TAF2: variants seen among roughly 807,000 people sequenced by gnomAD.
The protein encoded by TAF2 is TATA-box binding protein associated factor 2.
In TAF2, 61 loss-of-function variants were observed where a neutral mutation model predicts 138.5. The observed-to-expected ratio is 0.44, with a 90% confidence interval of 0.36 to 0.54. The LOEUF (loss-of-function observed/expected upper bound fraction) is 0.54, where lower values mean the gene tolerates loss of function less well. Among genes scored for constraint, TAF2 ranks in the 20% least tolerant of loss-of-function variants. The pLI is 0.00. For missense variants in TAF2, 1,090 were observed against 1,427.9 expected, an observed-to-expected ratio of 0.76 and a Z score of 3.81; for synonymous variants, 475 against 469.9, an observed-to-expected ratio of 1.01 and a Z score of -0.14.
intron 18 of TAF2, 158 bp from the exon 19 acceptor site, chr8:119,762,766 G>A: frequency 1.6e-6 from 1 of 607,210 alleles, no homozygotes; most frequent in South Asian, 2.1e-5. Context: ...CTTTGCATGT[G>A]GTCACTCTGA....
chr8:119,793,311 A>G, intron 10 of TAF2, 55 bp downstream of exon 10: 2 of 1,435,778 alleles, frequency 1.4e-6, no homozygotes, highest in South Asian at 1.2e-5. Context: ...CTTAAATGGA[A>G]TAATTGTTAT....
chr8:119,735,113 A>G (rs1445182677), intron 25 of TAF2, among the ~76,000 whole-genome samples: 1 of 152,200 alleles, frequency 6.6e-6, no homozygotes, highest in East Asian at 1.9e-4. Context: ...GCCTGACTCC[A>G]GAGTCTTACT....
chr8:119,753,208 T>A (rs1413221635), intron 22 of TAF2, among the ~76,000 whole-genome samples: 1 of 152,206 alleles, frequency 6.6e-6, no homozygotes, highest in East Asian at 1.9e-4. Flanking sequence ...CAAATCTTAA[T>A]AAACCATGCC....
rs1198399185 is a variant in TAF2 at position 119,832,009 on chromosome 8, G to A, written c.84-278C>T. ...CCGAGTCTCTACTAAAAATACAAAA[G>A]TTAGCCGGGCATCGTGGCACACGCC... On this transcript the variant is annotated intron_variant, in intron 1 of 25. Transcript: ENST00000378164. Among the ~76,000 whole-genome samples the A allele has an allele frequency of 2.6e-5, 4 of 151,934 alleles. No homozygotes were observed. In the South Asian group the frequency reaches 8.3e-4, roughly 32 times the overall value.
chr8:119,813,537 AC>A (rs1825241904), intron 3 of TAF2, among the ~76,000 whole-genome samples: 1 of 152,230 alleles, frequency 6.6e-6, no homozygotes, highest in African/African-American at 2.4e-5. Flanking sequence ...AATAGGAAGA[AC>A]CATATCTAGA....
chr8:119,823,406 C>T (rs1825908969), intron 2 of TAF2, among the ~76,000 whole-genome samples: 2 of 152,158 alleles, frequency 1.3e-5, no homozygotes, highest in South Asian at 4.1e-4. Context: ...GCAAGTCTTT[C>T]CATGCTATTC....
At chr8:119,807,209 A>G (rs886805930) in intron 3 of TAF2, among the ~76,000 whole-genome samples, 14 of 152,354 alleles carry the variant, frequency 9.2e-5, no homozygotes, top group Admixed American at 6.5e-4. Context: ...AATGAAGCAG[A>G]GAATTTTCAG....
Position 119,793,494 on chromosome 8 carries a change from T to C in TAF2, c.1192-43A>G, listed in dbSNP as rs1288343232. The C allele has an allele frequency of 2.7e-6, 4 of 1,469,482 alleles. No homozygotes were observed. The East Asian group carries it at 6.8e-5, about 25-fold the overall frequency. 91.0% of individuals were successfully genotyped at this position (1,469,482 alleles called of 1,614,324 possible). On this transcript the variant is annotated intron_variant, in intron 9 of 25. Coordinates refer to ENST00000378164, the MANE Select transcript of TAF2 (RefSeq NM_003184.4). Reference sequence around the variant, plus strand: ...ATAGGAGTCAGTAAAATTTGTAAAGTAACATTTTTTTACATACCAAATTTT... The same window carrying C: ...ATAGGAGTCAGTAAAATTTGTAAAGCAACATTTTTTTACATACCAAATTTT...
chr8:119,758,437 C>T (rs1820846394), intron 20 of TAF2, among the ~76,000 whole-genome samples: 2 of 152,054 alleles, frequency 1.3e-5, no homozygotes, highest in Admixed American at 6.5e-5. Flanking sequence ...TAATTAAGAA[C>T]CCTAAATTAC....
intron 25 of TAF2, among the ~76,000 whole-genome samples, chr8:119,735,829 G>T (rs1456739811): frequency 6.6e-6 from 1 of 152,098 alleles, no homozygotes; most frequent in Non-Finnish European, 1.5e-5. Context: ...TATGAATATG[G>T]GAATAGGCCA....
chr8:119,770,640 C>T (rs1821764271), intron 18 of TAF2, among the ~76,000 whole-genome samples: 1 of 152,118 alleles, frequency 6.6e-6, no homozygotes, highest in Admixed American at 6.5e-5. Context: ...AACATAAAAG[C>T]ACATGCAAGC....
At chr8:119,811,505 C>T (rs901224447) in intron 3 of TAF2, among the ~76,000 whole-genome samples, 9 of 152,032 alleles carry the variant, frequency 5.9e-5, no homozygotes, top group Non-Finnish European at 1.0e-4. Flanking sequence ...ACAAGGATGA[C>T]TCTAAAAATA....
At chr8:119,772,407 A>G (rs1471585515) in intron 18 of TAF2, among the ~76,000 whole-genome samples, 1 of 152,202 alleles carries the variant, frequency 6.6e-6, no homozygotes, top group Non-Finnish European at 1.5e-5. Flanking sequence ...ATGGGAACAC[A>G]TGGACATAAA....
At chr8:119,812,214 A>T (rs1825117593) in intron 3 of TAF2, among the ~76,000 whole-genome samples, 1 of 152,222 alleles carries the variant, frequency 6.6e-6, no homozygotes, top group South Asian at 2.1e-4. Context: ...GGTGTGAGTT[A>T]TAGCATCCTA....
At chr8:119,756,316 T>C (rs1820699643) in intron 21 of TAF2, among the ~76,000 whole-genome samples, 1 of 152,164 alleles carries the variant, frequency 6.6e-6, no homozygotes, top group South Asian at 2.1e-4. Flanking sequence ...TACGTGTTTT[T>C]TCACTAAAAC....
At chr8:119,763,467 C>G (rs147168482) in intron 18 of TAF2, among the ~76,000 whole-genome samples, 1 of 152,288 alleles carries the variant, frequency 6.6e-6, no homozygotes, top group Admixed American at 6.5e-5. Flanking sequence ...TGGTGGCTCA[C>G]GCCTGTAATC....
intron 25 of TAF2, among the ~76,000 whole-genome samples, chr8:119,740,491 TA>T (rs34577375): frequency 9.3e-4 from 81 of 86,914 alleles, no homozygotes; most frequent in Admixed American, 2.0e-3. Flanking sequence ...CTGTCTCTAC[TA>T]AAAAAAAAAA....
At chr8:119,741,235 C>T (rs1186088671) in intron 25 of TAF2, among the ~76,000 whole-genome samples, 1 of 152,092 alleles carries the variant, frequency 6.6e-6, no homozygotes, top group Non-Finnish European at 1.5e-5. Context: ...CTAAGAAAAA[C>T]CAAATGTATT....
At chr8:119,826,245 G>C (rs1253001365) in intron 2 of TAF2, among the ~76,000 whole-genome samples, 1 of 149,586 alleles carries the variant, frequency 6.7e-6, no homozygotes, top group Non-Finnish European at 1.5e-5. Flanking sequence ...ATGTAACCCA[G>C]AACTTAAAGT....
Sources: gnomAD v4.1 joint callset for allele counts (sites outside exome capture counted in the v4.1 genomes callset) on GRCh38, gnomAD v4.1.1 for gene constraint, MANE v1.5 for transcripts, NCBI Gene and HGNC (gene_info 2026-07-23, HGNC 2026-07-21) for gene names.